The following CARS2 variants were observed in gnomAD, a reference collection of about 807,000 sequenced individuals.
CARS2 encodes the protein cysteinyl-tRNA synthetase 2, mitochondrial.
CARS2 carries 52 observed loss-of-function variants against 68.8 expected under a neutral mutation model. The observed-to-expected ratio is 0.76, with a 90% confidence interval of 0.61 to 0.95. CARS2 has a LOEUF of 0.95. Among genes scored for constraint, CARS2 ranks in the 40% least tolerant of loss-of-function variants. The pLI is 0.00. For missense variants in CARS2, 780 were observed against 754.2 expected (o/e 1.03, Z -0.40); for synonymous variants, 314 against 303.6 (o/e 1.03, Z -0.36).
intron 7 of CARS2, among the ~76,000 whole-genome samples, chr13:110,673,940 T>C (rs1402828862): frequency 1.3e-5 from 2 of 152,224 alleles, no homozygotes; most frequent in Admixed American, 6.5e-5. Flanking sequence ...AGCCAAATCA[T>C]GAGTGAACTC....
At chr13:110,657,263 T>TCTC (rs1210324923) in intron 9 of CARS2, among the ~76,000 whole-genome samples, 1 of 152,260 alleles carries the variant, frequency 6.6e-6, no homozygotes, top group African/African-American at 2.4e-5. Context: ...TGCAGGTTTA[T>TCTC]CTCCCTCTCC....
At position 110,706,058 on chromosome 13, in the gene CARS2, G is replaced by A. The variant is rs1478951926; in HGVS notation, c.36C>T (p.Pro12=). The change falls in exon 1 of 15, where the codon CCC becomes CCT. Residue 12 remains proline (P), a synonymous_variant. Transcript: ENST00000257347. ...GGCCCAGCGCGGCCTGGAGCAGCGG[G>A]GGGCCCAGGCCTGGGCCGCGCGTAG... ...LRTTRGPGLG[P]PLLQAALGLG... The A allele has an allele frequency of 8.1e-6, 11 of 1,359,516 alleles. No individual in the cohort carries two copies. The highest frequency in any genetic ancestry group is 1.5e-5 in the African/African-American group (1 of 65,832). The allele number at this position is 1,359,516 out of a possible 1,614,324, so 84.2% of individuals were successfully genotyped here. A position where few individuals can be genotyped will look rare whatever the true frequency, so the allele number is the denominator to read the frequency against.
chr13:110,700,602 AT>A (rs1169151458), intron 3 of CARS2, among the ~76,000 whole-genome samples: 1 of 152,210 alleles, frequency 6.6e-6, no homozygotes, highest in African/African-American at 2.4e-5. Flanking sequence ...GCTTCAAATA[AT>A]TTTTTAATAT....
At chr13:110,642,771 G>A (rs1168485898) in intron 13 of CARS2, 1 of 729,302 alleles carries the variant, frequency 1.4e-6, no homozygotes, top group Non-Finnish European at 2.5e-6. Flanking sequence ...CTCGGGAGTT[G>A]GAAGAAAGGG....
At chr13:110,647,361 G>C (rs1344917855) in intron 10 of CARS2, 122 bp from the exon 11 acceptor site, 1 of 1,248,602 alleles carries the variant, frequency 8.0e-7, no homozygotes, top group East Asian at 2.5e-5. Context: ...AGCGGGACAT[G>C]TGGCTCTCAC....
intron 7 of CARS2, among the ~76,000 whole-genome samples, chr13:110,671,144 G>T (rs377378232): frequency 1.3e-5 from 2 of 152,218 alleles, no homozygotes; most frequent in South Asian, 4.1e-4. Context: ...CACTCTTCAG[G>T]ATATTATCCA....
In CARS2 at chr13:110,665,961, A is replaced by G. The variant is rs2062635704; in HGVS notation, c.919+1379T>C. ...GCATCTCCAAATCTATCACTACCAA[A>G]CACTCTTTATCTTTCTTCATCTGGG... On this transcript the variant is annotated intron_variant, in intron 8 of 14. Coordinates refer to ENST00000257347, the MANE Select transcript of CARS2 (RefSeq NM_024537.4). This position sits in a 1 kb window ranked among gnomAD's most constrained non-coding sequence, Gnocchi z 4.3. The G allele has an allele frequency of 1.0e-6, 1 of 985,036 alleles. No individual in the cohort carries two copies. Among genetic ancestry groups the G allele is most frequent in the Non-Finnish European group, 1.2e-6 (1 of 829,874 alleles). 61.0% of individuals were successfully genotyped at this position (985,036 alleles called of 1,614,324 possible). A position where few individuals can be genotyped will look rare whatever the true frequency, so the allele number is the denominator to read the frequency against.
chr13:110,691,270 C>A (rs907906545), intron 3 of CARS2, among the ~76,000 whole-genome samples: 1 of 152,160 alleles, frequency 6.6e-6, no homozygotes, highest in Non-Finnish European at 1.5e-5. Context: ...CCTTCCTCGG[C>A]CTCCTGAAGT....
Position 110,642,498 on chromosome 13 carries a change from C to T in CARS2, c.1440G>A (p.Glu480=). 1 of 1,608,326 alleles carries T rather than the reference C, an allele frequency of 6.2e-7. No homozygotes were observed. The highest frequency in any genetic ancestry group is 1.1e-5 in the South Asian group (1 of 90,048). ...CGTCCACCACACCATGCAAGGTAGCCTCGCTGCCGTCTCCTGAAACGTACT... is the reference window on the plus strand; with the variant it reads ...CGTCCACCACACCATGCAAGGTAGCTTCGCTGCCGTCTCCTGAAACGTACT... ...NQQYVSGDGS[E]ATLHGVVDEL... is the part of the protein sequence containing the mutation. Residue 480 remains glutamate, a synonymous_variant, in exon 14 of 15, where the codon GAG becomes GAA. Coordinates refer to ENST00000257347, the MANE Select transcript of CARS2 (RefSeq NM_024537.4).
intron 1 of CARS2, chr13:110,712,636 C>A: frequency 1.8e-6 from 1 of 552,582 alleles, no homozygotes. Context: ...GGTAGAGGGG[C>A]GACGCGGGGG....
intron 2 of CARS2, among the ~76,000 whole-genome samples, chr13:110,704,617 C>T (rs6492304): frequency 0.63 from 96,011 of 151,854 alleles, 32,137 homozygotes; most frequent in South Asian, 0.77. Context: ...CCAGCTACTC[C>T]GGAGGCTGAG....
At chr13:110,667,313 A>G in intron 8 of CARS2, 27 bp downstream of exon 8, 1 of 1,594,082 alleles carries the variant, frequency 6.3e-7, no homozygotes, top group Non-Finnish European at 8.6e-7. Context: ...TTGAAACAGA[A>G]CAAATTAATC....
intron 1 of CARS2, chr13:110,712,814 T>C (rs758708426): frequency 1.6e-5 from 13 of 833,612 alleles, no homozygotes; most frequent in Non-Finnish European, 1.8e-5. Context: ...TATCCACCTC[T>C]TCTGGGGCTC....
chr13:110,661,020 A>G (rs1388934700), intron 9 of CARS2, among the ~76,000 whole-genome samples: 1 of 152,180 alleles, frequency 6.6e-6, no homozygotes, highest in African/African-American at 2.4e-5. Context: ...TGGGCCTCCC[A>G]AAGTGCTGGG....
chr13:110,686,777 C>T (rs73616077), intron 5 of CARS2, among the ~76,000 whole-genome samples: 3,272 of 151,966 alleles, frequency 0.022, 138 homozygotes, highest in African/African-American at 0.075. Flanking sequence ...AGGCTGGTCT[C>T]AAATTCTTGG....
chr13:110,642,518 C>G lies in CARS2; in HGVS notation c.1420G>C (p.Val474Leu), dbSNP rs774709224. Reference sequence around the variant, plus strand: ...GTAGCCTCGCTGCCGTCTCCTGAAACGTACTGAAGCCAGCAGGGCGCGGTT... The same window carrying G: ...GTAGCCTCGCTGCCGTCTCCTGAAAGGTACTGAAGCCAGCAGGGCGCGGTT... ...VGISLANQQY[V>L]SGDGSEATLH... is the part of the protein sequence containing the mutation. The change falls in exon 14 of 15, where the codon GTT becomes CTT. Residue 474 changes from valine to leucine, a missense_variant. Physicochemically the swap from Val to Leu is conservative, Grantham distance 32. Transcript: ENST00000257347. The G allele has an allele frequency of 3.1e-6, 5 of 1,608,562 alleles. No individual in the cohort carries two copies. In the East Asian group the frequency reaches 9.0e-5, roughly 29 times the overall value.
chr13:110,701,475 G>C lies in CARS2; in HGVS notation c.356C>G (p.Thr119Arg), dbSNP rs767624582. 3 of 1,573,754 alleles carry C rather than the reference G, an allele frequency of 1.9e-6. No homozygotes were observed. The highest frequency in any genetic ancestry group is 1.1e-5 in the South Asian group (1 of 90,336). ...TTTGATGATTTTATCATCTACATCT[G>C]TAATACCCATCACCATGACTATGCT... Reference protein sequence around the residue: ...GCSIVMVMGITDVDDKIIKRA... With the variant: ...GCSIVMVMGIRDVDDKIIKRA... The change falls in exon 3 of 15, where the codon ACA becomes AGA. Residue 119 changes from threonine (T) to arginine (R), a missense_variant. Coordinates refer to ENST00000257347, the MANE Select transcript of CARS2 (RefSeq NM_024537.4).
rs1423272310 is a variant in CARS2 at position 110,679,781 on chromosome 13, TAGAC to T, written c.656-2682_656-2679del. Among the ~76,000 whole-genome samples, 4 of 151,952 alleles carry T rather than the reference TAGAC, an allele frequency of 2.6e-5. No homozygotes were observed. In the East Asian group the frequency reaches 5.8e-4, roughly 22 times the overall value. On this transcript the variant is annotated intron_variant, in intron 6 of 14. Transcript: ENST00000257347. ...GCCAGGAATATCTTACCATATCAGA[TAGAC>T]AGCCACAAAACTATTAACTACAACA...
chr13:110,678,021 T>C (rs7337429), intron 6 of CARS2: 100,908 of 152,048 alleles, frequency 0.66, 34,775 homozygotes, highest in Non-Finnish European at 0.76. Flanking sequence ...TGGCTTCTCG[T>C]TCACTCCTGT....
Sources: allele counts gnomAD v4.1 joint callset (sites outside exome capture counted in the v4.1 genomes callset), GRCh38; gene constraint gnomAD v4.1.1; non-coding constraint Gnocchi (gnomAD v3.1); transcripts MANE v1.5; gene names NCBI Gene and HGNC (gene_info 2026-07-23, HGNC 2026-07-21).